Variants in PRTG observed in about 807,000 individuals in gnomAD.
PRTG encodes immunoglobulin superfamily, DCC subclass, member 5.
In PRTG, 67 loss-of-function variants were observed where a neutral mutation model predicts 122.5. That is an observed-to-expected ratio of 0.55 (90% CI 0.45 to 0.67). The LOEUF (loss-of-function observed/expected upper bound fraction) is 0.67, where lower values mean the gene tolerates loss of function less well. Among genes scored for constraint, PRTG ranks in the 30% least tolerant of loss-of-function variants. The probability of loss-of-function intolerance (pLI) is 0.00; values close to 1 mark genes in which losing one functional copy is unlikely to be tolerated. For synonymous variants in PRTG, 554 were observed against 501.1 expected, an observed-to-expected ratio of 1.11 and a Z score of -1.41; for missense variants, 1,435 against 1,415.4, an observed-to-expected ratio of 1.01 and a Z score of -0.22.
chr15:55,680,982 A>C (rs1442317045), intron 4 of PRTG, among the ~76,000 whole-genome samples: 1 of 152,130 alleles, frequency 6.6e-6, no homozygotes, highest in East Asian at 1.9e-4. Context: ...ATTTCATATA[A>C]ATGGAACCAT....
At chr15:55,658,565 C>G (rs1012207759) in intron 11 of PRTG, among the ~76,000 whole-genome samples, 1 of 152,168 alleles carries the variant, frequency 6.6e-6, no homozygotes, top group African/African-American at 2.4e-5. Context: ...ATCCGCCCAC[C>G]TCAGCTTCCC....
At chr15:55,631,331 T>G (rs893034562) in intron 15 of PRTG, among the ~76,000 whole-genome samples, 3 of 152,180 alleles carry the variant, frequency 2.0e-5, no homozygotes, top group Non-Finnish European at 4.4e-5. Context: ...TGAGTTTCCA[T>G]TTTATGGTAA....
chr15:55,628,448 G>T (rs2141717822), intron 16 of PRTG, among the ~76,000 whole-genome samples: 1 of 150,306 alleles, frequency 6.7e-6, no homozygotes, highest in African/African-American at 2.4e-5. Context: ...AACTCTTAAT[G>T]AAAACCATGC....
intron 2 of PRTG, among the ~76,000 whole-genome samples, chr15:55,686,638 C>T (rs1414608906): frequency 6.6e-6 from 1 of 152,172 alleles, no homozygotes; most frequent in Non-Finnish European, 1.5e-5. Flanking sequence ...CTGCCAGCAA[C>T]ATCACCCTCA....
intron 1 of PRTG, chr15:55,742,477 A>G (rs1046117205): frequency 8.8e-6 from 2 of 226,344 alleles, no homozygotes; most frequent in African/African-American, 4.5e-5. Context: ...GGCGACCCGG[A>G]GTCCGGCCGG....
intron 2 of PRTG, among the ~76,000 whole-genome samples, chr15:55,706,290 T>C (rs1273913422): frequency 6.6e-6 from 1 of 151,946 alleles, no homozygotes; most frequent in Non-Finnish European, 1.5e-5. Flanking sequence ...GAGTTGGGGA[T>C]GGCATCAAGA....
chr15:55,663,794 G>A (rs866383520), intron 11 of PRTG, among the ~76,000 whole-genome samples: 2 of 151,952 alleles, frequency 1.3e-5, no homozygotes, highest in Admixed American at 1.3e-4. Context: ...CACCCGCCTC[G>A]GCCTCCCAAA....
Position 55,624,658 on chromosome 15 carries a change from T to C in PRTG, c.2928-151A>G, listed in dbSNP as rs1048949740. Reference sequence around the variant, plus strand: ...TTAGAATCGAGTGTTAGATTTTAACTTACTGCTGCAAACTTTTATTATTTG... The same window carrying C: ...TTAGAATCGAGTGTTAGATTTTAACCTACTGCTGCAAACTTTTATTATTTG... On this transcript the variant is annotated intron_variant, in intron 17 of 19. Coordinates refer to ENST00000389286, the MANE Select transcript of PRTG (RefSeq NM_173814.6). 1.7e-5 allele frequency: 10 copies of C among 573,904 alleles called. No homozygotes were observed. The African/African-American group carries it at 1.9e-4, about 11-fold the overall frequency. The allele number at this position is 573,904 out of a possible 1,614,324, so 35.6% of individuals were successfully genotyped here.
chr15:55,614,560 G>C lies in PRTG; in HGVS notation c.*5452C>G, dbSNP rs552066104. On this transcript the variant is annotated 3_prime_UTR_variant, in exon 20 of 20. Transcript: ENST00000389286. ...AACCACTGAAGAGAAAAGGAGAAAG[G>C]GTAACTATAAGAAGAGTTTTCAATT... The C allele has an allele frequency of 1.3e-5, 2 of 152,080 alleles. No individual in the cohort carries two copies. Among genetic ancestry groups the C allele is most frequent in the Non-Finnish European group, 2.9e-5 (2 of 67,956 alleles). The allele number at this position is 152,080 out of a possible 1,614,324, so 9.4% of individuals were successfully genotyped here.
intron 11 of PRTG, 105 bp from the exon 12 acceptor site, chr15:55,641,313 A>G: frequency 1.4e-6 from 1 of 693,966 alleles, no homozygotes; most frequent in South Asian, 1.9e-5. Flanking sequence ...TGCTGAATGC[A>G]TAAAAGTTCT....
chr15:55,627,266 A>C (rs2059199969), intron 16 of PRTG, 138 bp from the exon 17 acceptor site: 1 of 472,984 alleles, frequency 2.1e-6, no homozygotes, highest in African/African-American at 2.0e-5. Context: ...CAAAGCAGAA[A>C]GGACACACAG....
chr15:55,712,717 A>G (rs1297042958), intron 2 of PRTG, among the ~76,000 whole-genome samples: 2 of 152,224 alleles, frequency 1.3e-5, no homozygotes, highest in African/African-American at 4.8e-5. Context: ...GATTATTACT[A>G]TCCTTTTTGA....
chr15:55,614,878 G>T lies in PRTG; in HGVS notation c.*5134C>A, dbSNP rs146822856. 5.5e-4 allele frequency: 83 copies of T among 152,140 alleles called. No homozygotes were observed. The highest frequency in any genetic ancestry group is 1.9e-3 in the African/African-American group (77 of 41,520). 9.4% of individuals were successfully genotyped at this position (152,140 alleles called of 1,614,324 possible). On this transcript the variant is annotated 3_prime_UTR_variant, in exon 20 of 20. Coordinates refer to ENST00000389286, the MANE Select transcript of PRTG (RefSeq NM_173814.6). ...CCACAGAAAGAATGTACCTGTTGTG[G>T]GCAAAATACTGGCCACCTACAGAAG...
intron 9 of PRTG, 68 bp from the exon 10 acceptor site, chr15:55,673,744 A>C: frequency 8.3e-7 from 1 of 1,210,050 alleles, no homozygotes; most frequent in Non-Finnish European, 1.2e-6. Flanking sequence ...CACACCAGTA[A>C]CTGAATTCTC....
chr15:55,703,613 C>T (rs1417507724), intron 2 of PRTG, among the ~76,000 whole-genome samples: 1 of 152,162 alleles, frequency 6.6e-6, no homozygotes, highest in African/African-American at 2.4e-5. Flanking sequence ...AAGAAAAGTC[C>T]AGGGAAGTAA....
Position 55,740,620 on chromosome 15 carries a change from C to T in PRTG, c.159G>A (p.Lys53=). Residue 53 remains lysine (K), a synonymous_variant, in exon 2 of 20, where the codon AAG becomes AAA. Coordinates refer to ENST00000389286, the MANE Select transcript of PRTG (RefSeq NM_173814.6). ...KEPQDVTVTR[K]DPVVLDCQAH... ...CCTGGCAATCTAAAACGACTGGGTC[C>T]TTTCTTGTGACAGTTACATCCTGTG... The T allele has an allele frequency of 1.2e-5, 19 of 1,614,122 alleles. No homozygotes were observed. The highest frequency in any genetic ancestry group is 1.6e-5 in the Non-Finnish European group (19 of 1,180,002).
In PRTG at chr15:55,672,426, A is replaced by G; in HGVS notation, c.2041+19T>C. The G allele has an allele frequency of 6.3e-7, 1 of 1,582,714 alleles. No individual in the cohort carries two copies. Among genetic ancestry groups the G allele is most frequent in the Admixed American group, 1.9e-5 (1 of 53,404 alleles). ...AGAGAGGAAGGAAAAAGGGAAAAAT[A>G]CAGTACAAACTCACTCACCTAAGCC... On this transcript the variant is annotated intron_variant, in intron 11 of 19. Transcript: ENST00000389286.
chr15:55,690,627 G>T (rs978707346), intron 2 of PRTG, among the ~76,000 whole-genome samples: 1 of 151,920 alleles, frequency 6.6e-6, no homozygotes, highest in Non-Finnish European at 1.5e-5. Flanking sequence ...ATGCTCAACC[G>T]GCGTAATGCA....
chr15:55,639,943 C>CA, intron 12 of PRTG, 115 bp from the exon 13 acceptor site: 1 of 1,482,310 alleles, frequency 6.7e-7, no homozygotes, highest in Non-Finnish European at 9.0e-7. Context: ...GTCTTTCTTC[C>CA]ACCAGAGATT....
Sources: allele counts gnomAD v4.1 joint callset (sites outside exome capture counted in the v4.1 genomes callset), GRCh38; gene constraint gnomAD v4.1.1; transcripts MANE v1.5; gene names NCBI Gene and HGNC (gene_info 2026-07-23, HGNC 2026-07-21).